Variants in TMEM131 observed in about 807,000 individuals in gnomAD.
The protein encoded by TMEM131 is 2610524E03Rik.
In TMEM131, 66 loss-of-function variants were observed where a neutral mutation model predicts 211.6. That is an observed-to-expected ratio of 0.31 (90% CI 0.26 to 0.38). The LOEUF (loss-of-function observed/expected upper bound fraction) is 0.38, where lower values mean the gene tolerates loss of function less well. Among genes scored for constraint, TMEM131 ranks in the 10% least tolerant of loss-of-function variants. TMEM131 has a pLI of 1.00. For synonymous variants in TMEM131, 844 were observed against 841.3 expected (o/e 1.00, Z -0.06); for missense variants, 2,036 against 2,299.3 (o/e 0.89, Z 2.34).
At chr2:97,904,617 AATT>A (rs1167075782) in intron 3 of TMEM131, among the ~76,000 whole-genome samples, 30 of 152,284 alleles carry the variant, frequency 2.0e-4, no homozygotes, top group African/African-American at 6.7e-4. Flanking sequence ...TTGGTGTTGA[AATT>A]ATTCATTTAC....
chr2:97,917,594 G>C (rs1023645657), intron 2 of TMEM131, among the ~76,000 whole-genome samples: 2 of 152,144 alleles, frequency 1.3e-5, no homozygotes, highest in African/African-American at 4.8e-5. Flanking sequence ...GTTCTGCAGG[G>C]CTTGGGACGC....
At chr2:97,863,354 A>C (rs1044177650) in intron 4 of TMEM131, among the ~76,000 whole-genome samples, 1 of 152,180 alleles carries the variant, frequency 6.6e-6, no homozygotes, top group Non-Finnish European at 1.5e-5. Context: ...TTCTTGAGTA[A>C]TACTCCGCAA....
intron 1 of TMEM131, among the ~76,000 whole-genome samples, chr2:97,940,749 C>T (rs1182055009): frequency 6.7e-6 from 1 of 149,616 alleles, no homozygotes; most frequent in Non-Finnish European, 1.5e-5. Context: ...GCGGAGCTTG[C>T]AGTGAGCCAA....
At chr2:97,852,027 GA>G (rs1573459819) in intron 5 of TMEM131, among the ~76,000 whole-genome samples, 1 of 152,208 alleles carries the variant, frequency 6.6e-6, no homozygotes, top group Admixed American at 6.5e-5. Context: ...GAATGCAAAG[GA>G]AAAGTTGTTG....
At chr2:97,908,798 A>T (rs1676177971) in intron 2 of TMEM131, 100 bp from the exon 3 acceptor site, 2 of 975,040 alleles carry the variant, frequency 2.1e-6, no homozygotes, top group Non-Finnish European at 3.1e-6. Flanking sequence ...TTCAACATTC[A>T]TTTTATACCC....
At position 97,995,931 on chromosome 2, in the gene TMEM131, C is replaced by T. The variant is rs955327820; in HGVS notation, c.-269G>A. 3 of 194,692 alleles carry T rather than the reference C, an allele frequency of 1.5e-5. No homozygotes were observed. In the Admixed American group the frequency reaches 1.8e-4, roughly 12 times the overall value. The allele number at this position is 194,692 out of a possible 1,614,324, so 12.1% of individuals were successfully genotyped here. A position where few individuals can be genotyped will look rare whatever the true frequency, so the allele number is the denominator to read the frequency against. ...GCGCGGCGGGCGGCCATACTGGAAA[C>T]GGGCACGGCCCGCGAGCCCTGAGCG... On this transcript the variant is annotated 5_prime_UTR_variant, in exon 1 of 41. Coordinates refer to ENST00000186436, the MANE Select transcript of TMEM131 (RefSeq NM_015348.2).
chr2:97,983,931 A>G (rs773423522), intron 1 of TMEM131, among the ~76,000 whole-genome samples: 3 of 152,174 alleles, frequency 2.0e-5, no homozygotes, highest in Non-Finnish European at 2.9e-5. Flanking sequence ...CTTTGGAATG[A>G]TAAGAGAATA....
chr2:97,927,816 A>G (rs1677054768), intron 1 of TMEM131, among the ~76,000 whole-genome samples: 1 of 152,204 alleles, frequency 6.6e-6, no homozygotes, highest in African/African-American at 2.4e-5. Context: ...ATTAATTGAA[A>G]ATATCAAAAG....
intron 12 of TMEM131, among the ~76,000 whole-genome samples, chr2:97,817,424 C>T (rs1014574264): frequency 1.3e-5 from 2 of 152,172 alleles, no homozygotes; most frequent in African/African-American, 4.8e-5. Flanking sequence ...CCTGTCTCTA[C>T]TAAAAATACA....
chr2:97,891,234 T>G (rs1370560975), intron 3 of TMEM131, among the ~76,000 whole-genome samples: 1 of 152,182 alleles, frequency 6.6e-6, no homozygotes, highest in Admixed American at 6.5e-5. Context: ...CTAATATCAT[T>G]GCAGTTTTTT....
chr2:97,761,474 TGCGGTACACTGTGGCAG>T, intron 36 of TMEM131: 1 of 159,758 alleles, frequency 6.3e-6, no homozygotes, highest in Non-Finnish European at 1.4e-5. Context: ...CTGTCAGGCT[TGCGGTACACTGTGGCAG>T]GCGGACACGA....
At chr2:97,984,427 T>C (rs1679934660) in intron 1 of TMEM131, among the ~76,000 whole-genome samples, 2 of 152,076 alleles carry the variant, frequency 1.3e-5, no homozygotes, top group Non-Finnish European at 2.9e-5. Context: ...TACTGGAGGC[T>C]GGGTAATTTA....
chr2:97,834,591 C>T (rs765958209), intron 10 of TMEM131, 30 bp downstream of exon 10: 91 of 1,482,760 alleles, frequency 6.1e-5, no homozygotes, highest in Non-Finnish European at 7.9e-5. Context: ...AAAAAAACTC[C>T]ATAAAGACTC....
At position 97,834,821 on chromosome 2, in the gene TMEM131, G is replaced by T; in HGVS notation, c.909C>A (p.Asp303Glu). ...CAGGAAGAATGATAAACTCTGTGCT[G>T]TCTGAAGCATTAGTCTTTATTCTTA... ...AFIRIKTNAS[D>E]STEFIILPVE... Residue 303 changes from aspartate to glutamate, a missense_variant, in exon 9 of 41, where the codon GAC becomes GAA. Transcript: ENST00000186436. 6.2e-7 allele frequency: 1 copy of T among 1,613,858 alleles called. No individual in the cohort carries two copies. The highest frequency in any genetic ancestry group is 8.5e-7 in the Non-Finnish European group (1 of 1,179,818).
In TMEM131 at chr2:97,887,832, C is replaced by A. The variant is rs142077269; in HGVS notation, c.359+220G>T. 27 of 430,812 alleles carry A rather than the reference C, an allele frequency of 6.3e-5. No individual in the cohort carries two copies. The East Asian group carries it at 8.8e-4, about 14-fold the overall frequency. 26.7% of individuals were successfully genotyped at this position (430,812 alleles called of 1,614,324 possible). A position where few individuals can be genotyped will look rare whatever the true frequency, so the allele number is the denominator to read the frequency against. On this transcript the variant is annotated intron_variant, in intron 4 of 40. Coordinates refer to ENST00000186436, the MANE Select transcript of TMEM131 (RefSeq NM_015348.2). Reference sequence around the variant, plus strand: ...TCTCTGAACCAGAGACTACAACAAGCGAGTATTTTTCAAGCTTTAAAAGTT... The same window carrying A: ...TCTCTGAACCAGAGACTACAACAAGAGAGTATTTTTCAAGCTTTAAAAGTT...
In TMEM131 at chr2:97,908,624, A is replaced by G. The variant is rs1272661696; in HGVS notation, c.290+34T>C. Reference sequence around the variant, plus strand: ...CACAGGAATCCCCCAGAAGGAACCGAAAGTATGTTAATTATCTTATTAAAT... The same window carrying G: ...CACAGGAATCCCCCAGAAGGAACCGGAAGTATGTTAATTATCTTATTAAAT... On this transcript the variant is annotated intron_variant, in intron 3 of 40. Transcript: ENST00000186436. 6 of 1,541,002 alleles carry G rather than the reference A, an allele frequency of 3.9e-6. No homozygotes were observed. The African/African-American group carries it at 4.1e-5, about 10-fold the overall frequency.
chr2:97,813,193 G>A (rs759087430), intron 15 of TMEM131, among the ~76,000 whole-genome samples: 1 of 152,270 alleles, frequency 6.6e-6, no homozygotes, highest in East Asian at 1.9e-4. Context: ...ACTACTAAGA[G>A]AGGTTTAGTG....
At position 97,805,566 on chromosome 2, in the gene TMEM131, T is replaced by C; in HGVS notation, c.2193A>G (p.Pro731=). The part of the protein sequence containing the change: ...RLRGNKEDLE[P]GKKSKIANIY... ...ATCTTCAAACCTTTGATTTTTTTCCTGGCTCCAAGTCTTCCTTATTGCCCC... is the reference window on the plus strand; with the variant it reads ...ATCTTCAAACCTTTGATTTTTTTCCCGGCTCCAAGTCTTCCTTATTGCCCC... The change falls in exon 20 of 41, where the codon CCA becomes CCG. Residue 731 remains proline, a synonymous_variant. Coordinates refer to ENST00000186436, the MANE Select transcript of TMEM131 (RefSeq NM_015348.2). 1.2e-6 allele frequency: 2 copies of C among 1,607,646 alleles called. No individual in the cohort carries two copies. The highest frequency in any genetic ancestry group is 2.2e-5 in the South Asian group (2 of 90,458).
At chr2:97,803,443 T>C (rs1681132754) in intron 22 of TMEM131, among the ~76,000 whole-genome samples, 1 of 152,254 alleles carries the variant, frequency 6.6e-6, no homozygotes, top group Admixed American at 6.5e-5. Flanking sequence ...AATATCTCCC[T>C]ACTTATAAGT....
Sources: allele counts gnomAD v4.1 joint callset (sites outside exome capture counted in the v4.1 genomes callset), GRCh38; gene constraint gnomAD v4.1.1; transcripts MANE v1.5; gene names NCBI Gene and HGNC (gene_info 2026-07-23, HGNC 2026-07-21).